Variants in ARHGAP8 observed in about 807,000 individuals in gnomAD.
The protein encoded by ARHGAP8 is rho GTPase-activating protein 8.
In ARHGAP8, 62 loss-of-function variants were observed where a neutral mutation model predicts 46.1. The ratio of observed to expected loss-of-function variants is 1.34; its 90% CI spans 1.10 to 1.66. The LOEUF (loss-of-function observed/expected upper bound fraction) is 1.66. Among genes scored for constraint, ARHGAP8 ranks in the 40% most tolerant of loss-of-function variants. The probability of loss-of-function intolerance (pLI) is 0.00; values close to 1 mark genes in which losing one functional copy is unlikely to be tolerated. For synonymous variants in ARHGAP8, 375 were observed against 243.1 expected, an observed-to-expected ratio of 1.54 and a Z score of -5.05; for missense variants, 923 against 568.4, an observed-to-expected ratio of 1.62 and a Z score of -6.34.
At chr22:44,814,561 G>C in intron 4 of ARHGAP8, 111 bp from the exon 5 acceptor site, 1 of 875,166 alleles carries the variant, frequency 1.1e-6, no homozygotes, top group Non-Finnish European at 1.8e-6. Context: ...ATCCTGTTGA[G>C]AGGAGTAACA....
chr22:44,857,945 C>CAGTG (rs10685890), intron 10 of ARHGAP8, among the ~76,000 whole-genome samples: 130,328 of 151,900 alleles, frequency 0.86, 56,136 homozygotes, highest in African/African-American at 0.9. Flanking sequence ...AGAGGGACCA[C>CAGTG]AGAGCTGAGG....
At chr22:44,768,082 C>G (rs1303545241) in intron 1 of ARHGAP8, among the ~76,000 whole-genome samples, 2 of 140,046 alleles carry the variant, frequency 1.4e-5, no homozygotes, top group African/African-American at 2.7e-5. Flanking sequence ...TCACTGCAAC[C>G]TCCACCTCCC....
At chr22:44,831,243 T>C (rs12483795) in intron 7 of ARHGAP8, among the ~76,000 whole-genome samples, 30,651 of 152,206 alleles carry the variant, frequency 0.2, 4,215 homozygotes, top group East Asian at 0.73. Flanking sequence ...ATTGCCAAAT[T>C]CAAGGCCGTG....
intron 5 of ARHGAP8, among the ~76,000 whole-genome samples, chr22:44,815,335 C>G (rs1602216465): frequency 6.6e-6 from 1 of 152,298 alleles, no homozygotes; most frequent in Non-Finnish European, 1.5e-5. Context: ...AGGCACGGAG[C>G]ATCCACCCGG....
intron 4 of ARHGAP8, among the ~76,000 whole-genome samples, chr22:44,813,522 T>G (rs916553461): frequency 1.1e-4 from 16 of 150,830 alleles, no homozygotes; most frequent in African/African-American, 3.9e-4. Context: ...CACATACATA[T>G]ACACACCTAC....
At chr22:44,848,453 C>T (rs911255173) in intron 9 of ARHGAP8, among the ~76,000 whole-genome samples, 2 of 152,256 alleles carry the variant, frequency 1.3e-5, no homozygotes, top group Non-Finnish European at 2.9e-5. Context: ...GGCCTCTGAG[C>T]TGAGGATGCA....
At chr22:44,843,367 TC>T (rs1014079975) in intron 7 of ARHGAP8, among the ~76,000 whole-genome samples, 15 of 152,290 alleles carry the variant, frequency 9.8e-5, no homozygotes, top group African/African-American at 3.4e-4. Context: ...GAAATTGGGA[TC>T]CTCACAAAGG....
intron 2 of ARHGAP8, among the ~76,000 whole-genome samples, chr22:44,790,676 CAAAAAA>C (rs369579126): frequency 4.8e-4 from 24 of 49,612 alleles, no homozygotes; most frequent in African/African-American, 7.3e-4. Flanking sequence ...AACTCTGTCT[CAAAAAA>C]AAAAAAAAAA....
intron 2 of ARHGAP8, among the ~76,000 whole-genome samples, chr22:44,795,741 T>A (rs1258667718): frequency 6.6e-6 from 1 of 152,104 alleles, no homozygotes; most frequent in African/African-American, 2.4e-5. Context: ...GCCCACAGGC[T>A]TCTCTTTCTT....
At chr22:44,755,148 G>T (rs1241052265) in intron 1 of ARHGAP8, among the ~76,000 whole-genome samples, 1 of 152,234 alleles carries the variant, frequency 6.6e-6, no homozygotes, top group Non-Finnish European at 1.5e-5. Flanking sequence ...TCACAGATGA[G>T]GAAACAGACA....
chr22:44,815,096 T>C (rs547501417), intron 5 of ARHGAP8, among the ~76,000 whole-genome samples: 69 of 152,312 alleles, frequency 4.5e-4, no homozygotes, highest in African/African-American at 1.4e-3. Flanking sequence ...TTCACTGTTG[T>C]GGTCTGTTAC....
At chr22:44,771,546 T>A (rs1926002391) in intron 1 of ARHGAP8, among the ~76,000 whole-genome samples, 1 of 128,886 alleles carries the variant, frequency 7.8e-6, no homozygotes, top group Admixed American at 8.2e-5. Context: ...CCTGCCTGGC[T>A]TTTTTTTTAT....
Position 44,790,735 on chromosome 22 carries a change from T to TC in ARHGAP8, c.79+4129_79+4130insC, listed in dbSNP as rs1480375786. On this transcript the variant is annotated intron_variant, in intron 2 of 11. Coordinates refer to ENST00000356099, the MANE Select transcript of ARHGAP8 (RefSeq NM_181335.3). ...AGCCCTGGGAAAGAACCTGGCCGTT[T>TC]TTTTTTTTTTTTTTGGAGACGGAGT... 5.2e-3 allele frequency among the ~76,000 whole-genome samples: 715 copies of TC among 137,920 alleles called. 6 individuals carry two copies. The highest frequency in any genetic ancestry group is 0.014 in the African/African-American group (509 of 37,678). The allele number at this position is 137,920 out of a possible 152,430, so 90.5% of individuals were successfully genotyped here. A position where few individuals can be genotyped will look rare whatever the true frequency, so the allele number is the denominator to read the frequency against.
intron 4 of ARHGAP8, chr22:44,808,784 C>G (rs1334282195): frequency 2.4e-6 from 1 of 413,272 alleles, no homozygotes; most frequent in Non-Finnish European, 4.6e-6. Context: ...GCCAACATGG[C>G]GAAACCCTGT....
intron 8 of ARHGAP8, among the ~76,000 whole-genome samples, chr22:44,846,019 C>G (rs1163390168): frequency 1.3e-5 from 2 of 152,104 alleles, no homozygotes; most frequent in African/African-American, 2.4e-5. Context: ...GTGCCCCCCC[C>G]CATCCCCACC....
At chr22:44,806,567 G>T (rs180836004) in intron 3 of ARHGAP8, among the ~76,000 whole-genome samples, 10 of 152,252 alleles carry the variant, frequency 6.6e-5, no homozygotes, top group African/African-American at 2.4e-4. Flanking sequence ...ATAGTACCTG[G>T]CTCCTAGGGT....
intron 2 of ARHGAP8, among the ~76,000 whole-genome samples, chr22:44,792,490 AG>A (rs1181442440): frequency 6.6e-6 from 1 of 152,138 alleles, no homozygotes; most frequent in African/African-American, 2.4e-5. Context: ...CTGTGGGCCC[AG>A]GGGGACAGTT....
chr22:44,853,110 AT>A (rs1013163923), intron 10 of ARHGAP8, among the ~76,000 whole-genome samples: 1 of 137,696 alleles, frequency 7.3e-6, no homozygotes, highest in Non-Finnish European at 1.5e-5. Flanking sequence ...CCTAAACTCC[AT>A]TTTTTTAGTC....
rs543531512 is a variant in ARHGAP8, at chr22:44,798,730, C to T, written c.80-3347C>T. Among the ~76,000 whole-genome samples the T allele has an allele frequency of 2.4e-3, 371 of 152,256 alleles. 1 individual carries two copies. Among genetic ancestry groups the T allele is most frequent in the Admixed American group, 5.6e-3 (86 of 15,292 alleles). ...CCAGGGCAGCCCCCACCGTGCGTGA[C>T]TGCTGGACACCTGAAATGTGGCGAG... On this transcript the variant is annotated intron_variant, in intron 2 of 11. Transcript: ENST00000356099.
Sources: gnomAD v4.1 joint callset for allele counts (sites outside exome capture counted in the v4.1 genomes callset) on GRCh38, gnomAD v4.1.1 for gene constraint, MANE v1.5 for transcripts, NCBI Gene and HGNC (gene_info 2026-07-23, HGNC 2026-07-21) for gene names.